LRP1B: variants seen among roughly 807,000 people sequenced by gnomAD.
LRP1B encodes low-density lipoprotein receptor-related protein 1B.
In LRP1B, 217 loss-of-function variants were observed where a neutral mutation model predicts 556.6. That is an observed-to-expected ratio of 0.39 (90% CI 0.35 to 0.44). The LOEUF is 0.44. LRP1B is among the 20% of genes least tolerant of loss of function. LRP1B has a pLI of 1.00. For synonymous variants in LRP1B, 2,047 were observed against 1,865.8 expected (o/e 1.10, Z -2.50); for missense variants, 5,053 against 5,620.8 (o/e 0.90, Z 3.23).
intron 1 of LRP1B, among the ~76,000 whole-genome samples, chr2:141,950,131 C>G (rs1440335725): frequency 1.3e-5 from 2 of 152,086 alleles, no homozygotes; most frequent in Non-Finnish European, 2.9e-5. Flanking sequence ...TTATAAAAGA[C>G]TTTATAATAT....
chr2:141,863,694 C>CATTA (rs1297429895), intron 1 of LRP1B, among the ~76,000 whole-genome samples: 2 of 152,066 alleles, frequency 1.3e-5, no homozygotes, highest in Non-Finnish European at 2.9e-5. Context: ...ATGATGAAAC[C>CATTA]AAGTCTTAGA....
chr2:141,107,241 G>C (rs1428690690), intron 7 of LRP1B, among the ~76,000 whole-genome samples: 1 of 151,968 alleles, frequency 6.6e-6, no homozygotes. Context: ...TTAAATTATG[G>C]AGATAAAAAT....
intron 1 of LRP1B, among the ~76,000 whole-genome samples, chr2:141,958,865 G>A (rs567747705): frequency 6.6e-6 from 1 of 151,998 alleles, no homozygotes; most frequent in Admixed American, 6.6e-5. Flanking sequence ...TTTTATTACA[G>A]TTTAATATTC....
intron 2 of LRP1B, among the ~76,000 whole-genome samples, chr2:141,682,153 G>T (rs1210003949): frequency 6.6e-6 from 1 of 152,048 alleles, no homozygotes; most frequent in African/African-American, 2.4e-5. Context: ...TGAGTTTAGG[G>T]ATATAGAAAA....
chr2:141,693,954 C>A (rs1691637690), intron 2 of LRP1B, among the ~76,000 whole-genome samples: 1 of 151,934 alleles, frequency 6.6e-6, no homozygotes, highest in East Asian at 1.9e-4. Context: ...GTCTAGGTTG[C>A]CTAAAAACAC....
intron 21 of LRP1B, among the ~76,000 whole-genome samples, chr2:140,920,514 T>C (rs1004551148): frequency 2.0e-5 from 3 of 152,032 alleles, no homozygotes; most frequent in African/African-American, 7.2e-5. Flanking sequence ...TTAAAGGTCT[T>C]ATAGCTTGTA....
intron 1 of LRP1B, among the ~76,000 whole-genome samples, chr2:141,976,202 A>T (rs1317892075): frequency 3.9e-5 from 6 of 152,112 alleles, no homozygotes; most frequent in African/African-American, 4.8e-5. Context: ...AACATATAGG[A>T]ATATTTTTTG....
intron 53 of LRP1B, 36 bp from the exon 54 acceptor site, chr2:140,503,139 T>C (rs2104896873): frequency 6.3e-7 from 1 of 1,592,756 alleles, no homozygotes; most frequent in African/African-American, 1.3e-5. Context: ...CTAATTCACA[T>C]AACAAATACT....
At chr2:141,842,409 T>A (rs191251258) in intron 1 of LRP1B, among the ~76,000 whole-genome samples, 1 of 152,228 alleles carries the variant, frequency 6.6e-6, no homozygotes, top group African/African-American at 2.4e-5. Flanking sequence ...ACTAGACGAT[T>A]TGAACCTTAC....
chr2:140,944,457 T>C (rs1471827465), intron 20 of LRP1B, among the ~76,000 whole-genome samples: 2 of 151,316 alleles, frequency 1.3e-5, no homozygotes, highest in East Asian at 1.9e-4. Flanking sequence ...TCAGATGCAA[T>C]GAAAAAAGAA....
chr2:140,823,529 A>G (rs1641959891), intron 31 of LRP1B, among the ~76,000 whole-genome samples: 1 of 152,108 alleles, frequency 6.6e-6, no homozygotes, highest in South Asian at 2.1e-4. Flanking sequence ...ACACATTCAT[A>G]TATCCATTCA....
chr2:140,637,960 C>T (rs1684129359), intron 41 of LRP1B, among the ~76,000 whole-genome samples: 1 of 152,144 alleles, frequency 6.6e-6, no homozygotes, highest in South Asian at 2.1e-4. Context: ...CTTTACTCTT[C>T]TACAGAAGAA....
At chr2:140,457,754 T>C in intron 60 of LRP1B, 103 bp from the exon 61 acceptor site, 1 of 894,094 alleles carries the variant, frequency 1.1e-6, no homozygotes, top group Admixed American at 2.1e-5. Context: ...CATAACTTCG[T>C]GTGAATAATT....
intron 35 of LRP1B, among the ~76,000 whole-genome samples, chr2:140,727,345 C>T (rs1450652813): frequency 6.6e-6 from 1 of 152,072 alleles, no homozygotes; most frequent in Non-Finnish European, 1.5e-5. Context: ...AATCTCAGAC[C>T]AATTCATGCT....
At chr2:142,021,356 C>T (rs187814083) in intron 1 of LRP1B, among the ~76,000 whole-genome samples, 2 of 151,970 alleles carry the variant, frequency 1.3e-5, no homozygotes. Flanking sequence ...AGGAAAAAGG[C>T]CCACAACAAT....
intron 1 of LRP1B, among the ~76,000 whole-genome samples, chr2:141,859,024 C>T (rs747338022): frequency 1.8e-4 from 27 of 151,382 alleles, no homozygotes; most frequent in Non-Finnish European, 3.7e-4. Context: ...AGGTTGTCCT[C>T]TCTTTCCCCC....
intron 2 of LRP1B, among the ~76,000 whole-genome samples, chr2:141,609,193 C>T (rs1214261257): frequency 1.3e-5 from 2 of 152,008 alleles, no homozygotes; most frequent in African/African-American, 4.8e-5. Context: ...ATAAATATTC[C>T]TAATATGGCC....
chr2:141,266,517 G>A (rs1262086130), intron 3 of LRP1B, among the ~76,000 whole-genome samples: 1 of 148,622 alleles, frequency 6.7e-6, no homozygotes, highest in Non-Finnish European at 1.5e-5. Context: ...AAAAACCAAA[G>A]TAACAATTTT....
intron 43 of LRP1B, among the ~76,000 whole-genome samples, chr2:140,556,586 T>C (rs879432712): frequency 2.6e-5 from 4 of 152,150 alleles, no homozygotes; most frequent in Admixed American, 2.6e-4. Context: ...TAAACTTATA[T>C]GCTGTTCTCT....
Sources: gnomAD v4.1 joint callset for allele counts (sites outside exome capture counted in the v4.1 genomes callset) on GRCh38, gnomAD v4.1.1 for gene constraint, MANE v1.5 for transcripts, NCBI Gene and HGNC (gene_info 2026-07-23, HGNC 2026-07-21) for gene names.